TRAF3: variants seen among roughly 807,000 people sequenced by gnomAD.
TRAF3 encodes TNF receptor-associated factor 3.
In TRAF3, 13 loss-of-function variants were observed where a neutral mutation model predicts 62.3. That is an observed-to-expected ratio of 0.21 (90% CI 0.14 to 0.33). The LOEUF (loss-of-function observed/expected upper bound fraction) is 0.33, where lower values mean the gene tolerates loss of function less well. TRAF3 is among the 10% of genes least tolerant of loss of function. The pLI, the probability that TRAF3 is intolerant of heterozygous loss-of-function variation, is 1.00. For synonymous variants in TRAF3, 269 were observed against 283.4 expected (o/e 0.95, Z 0.51); for missense variants, 440 against 741.8 (o/e 0.59, Z 4.73).
At chr14:102,834,687 CAAAAA>C (rs35056615) in intron 2 of TRAF3, among the ~76,000 whole-genome samples, 1 of 54,288 alleles carries the variant, frequency 1.8e-5, no homozygotes, top group Admixed American at 2.2e-4. Context: ...GACTCCGTCT[CAAAAA>C]AAAAAAAAAA....
intron 1 of TRAF3, among the ~76,000 whole-genome samples, chr14:102,819,246 C>T (rs1244104383): frequency 2.6e-5 from 4 of 152,020 alleles, no homozygotes; most frequent in Non-Finnish European, 5.9e-5. Flanking sequence ...CCTTGGGTAG[C>T]TTCCCTGTTA....
chr14:102,889,523 C>T (rs760010597), intron 7 of TRAF3, 37 bp from the exon 8 acceptor site: 18 of 1,605,814 alleles, frequency 1.1e-5, no homozygotes, highest in African/African-American at 5.4e-5. Flanking sequence ...TTCATGCAAA[C>T]GTTTGTGCCA....
chr14:102,840,245 C>T (rs1317468928), intron 2 of TRAF3, among the ~76,000 whole-genome samples: 1 of 152,104 alleles, frequency 6.6e-6, no homozygotes, highest in African/African-American at 2.4e-5. Context: ...CTTTTTAAGA[C>T]AGGGTCTTGC....
rs1311937823 is a variant in TRAF3, at chr14:102,906,378, A to G, written c.*594A>G. On this transcript the variant is annotated 3_prime_UTR_variant, in exon 12 of 12. Coordinates refer to ENST00000392745, the MANE Select transcript of TRAF3 (RefSeq NM_145725.3). ...TTTTTTGAAAGTCTCTAAATTCAGA[A>G]TCATTTTTTAATTTAAAGTTCTACA... 1.3e-5 allele frequency: 2 copies of G among 152,664 alleles called. No individual in the cohort carries two copies. Among genetic ancestry groups the G allele is most frequent in the Non-Finnish European group, 2.9e-5 (2 of 68,066 alleles). The allele number at this position is 152,664 out of a possible 1,614,324, so 9.5% of individuals were successfully genotyped here. A position where few individuals can be genotyped will look rare whatever the true frequency, so the allele number is the denominator to read the frequency against.
chr14:102,890,904 C>T (rs920013032), intron 8 of TRAF3, among the ~76,000 whole-genome samples: 2 of 152,188 alleles, frequency 1.3e-5, no homozygotes, highest in African/African-American at 4.8e-5. Context: ...ACTGTTGTGG[C>T]AGTATCTCGC....
intron 1 of TRAF3, among the ~76,000 whole-genome samples, chr14:102,795,572 A>G (rs1566740497): frequency 9.7e-6 from 1 of 103,408 alleles, no homozygotes; most frequent in Admixed American, 9.2e-5. Context: ...ACATATATAC[A>G]TGATATGTAT....
intron 1 of TRAF3, among the ~76,000 whole-genome samples, chr14:102,785,274 G>A (rs1215388676): frequency 1.3e-5 from 2 of 152,122 alleles, no homozygotes; most frequent in East Asian, 1.9e-4. Context: ...CATCTCTGGC[G>A]TAAGTTCCTT....
At chr14:102,850,676 T>G (rs1886979562) in intron 2 of TRAF3, among the ~76,000 whole-genome samples, 2 of 117,590 alleles carry the variant, frequency 1.7e-5, no homozygotes, top group East Asian at 2.5e-4. Context: ...GGCGATAGAG[T>G]GAGACTCCGT....
intron 7 of TRAF3, 143 bp from the exon 8 acceptor site, chr14:102,889,417 C>G (rs1889584374): frequency 1.2e-6 from 1 of 805,522 alleles, no homozygotes. Context: ...GCATAGAAGT[C>G]TAGGCAGCAG....
chr14:102,824,703 G>A (rs1406860772), intron 1 of TRAF3, among the ~76,000 whole-genome samples: 1 of 152,206 alleles, frequency 6.6e-6, no homozygotes. Context: ...CGTTAATGAT[G>A]TTAGCTAGTC....
intron 2 of TRAF3, among the ~76,000 whole-genome samples, chr14:102,841,540 C>T (rs1469750196): frequency 6.6e-6 from 1 of 152,222 alleles, no homozygotes; most frequent in Non-Finnish European, 1.5e-5. Context: ...GAAGGGCTGC[C>T]TTAGCAGTGG....
intron 2 of TRAF3, among the ~76,000 whole-genome samples, chr14:102,853,486 C>A (rs1244196577): frequency 1.3e-5 from 2 of 151,926 alleles, no homozygotes; most frequent in African/African-American, 2.4e-5. Context: ...ATTTACAAAA[C>A]AAAATTCACC....
chr14:102,812,981 A>G (rs1241914495), intron 1 of TRAF3, among the ~76,000 whole-genome samples: 7 of 151,756 alleles, frequency 4.6e-5, no homozygotes, highest in South Asian at 2.1e-4. Context: ...TTATTTGTTT[A>G]TTTATTTAGT....
chr14:102,810,343 G>A (rs1442148837), intron 1 of TRAF3, among the ~76,000 whole-genome samples: 1 of 152,196 alleles, frequency 6.6e-6, no homozygotes, highest in Admixed American at 6.5e-5. Flanking sequence ...GGTGACCTCA[G>A]TGTGTGGTGA....
chr14:102,903,404 C>T lies in TRAF3; in HGVS notation c.1110C>T (p.Ser370=), dbSNP rs1051743. 1.6e-3 allele frequency: 2,554 copies of T among 1,613,988 alleles called. 27 individuals carry two copies. The African/African-American group carries it at 0.024, about 15-fold the overall frequency. ...CCGAGCTGGAGAGCGTGGACAAGAG[C>T]GCGGGGCAAGTGGCTCGGAACACAG... ...RVTELESVDK[S]AGQVARNTGL... Residue 370 remains serine (S), a synonymous_variant, in exon 11 of 12, where the codon AGC becomes AGT. Transcript: ENST00000392745. The surrounding 1 kb of genome is among the most constrained non-coding windows in gnomAD (Gnocchi z 6.4).
rs368342787 is a variant in TRAF3 at position 102,784,371 on chromosome 14, C to T, written c.-157+6696C>T. Among the ~76,000 whole-genome samples, 98 of 152,048 alleles carry T rather than the reference C, an allele frequency of 6.4e-4. No individual in the cohort carries two copies. In the Middle Eastern group the frequency reaches 0.01, roughly 16 times the overall value. ...CTGAGTAGCTGGGATTACAGGCACCCGCCACCTCGCCTGGCTAATTTTTGT... is the reference window on the plus strand; with the variant it reads ...CTGAGTAGCTGGGATTACAGGCACCTGCCACCTCGCCTGGCTAATTTTTGT... On this transcript the variant is annotated intron_variant, in intron 1 of 11. Transcript: ENST00000392745.
Position 102,819,845 on chromosome 14 carries a change from G to A in TRAF3, c.-156-10489G>A, listed in dbSNP as rs530198237. Reference sequence around the variant, plus strand: ...AAGTGGGACAGTGAGACTATGAATAGCTTCACATCAGATCAGGGCATACCG... The same window carrying A: ...AAGTGGGACAGTGAGACTATGAATAACTTCACATCAGATCAGGGCATACCG... On this transcript the variant is annotated intron_variant, in intron 1 of 11. Transcript: ENST00000392745. Among the ~76,000 whole-genome samples, 12 of 152,342 alleles carry A rather than the reference G, an allele frequency of 7.9e-5. No homozygotes were observed. In the South Asian group the frequency reaches 1.7e-3, roughly 21 times the overall value.
At chr14:102,812,900 A>G (rs1899282882) in intron 1 of TRAF3, among the ~76,000 whole-genome samples, 1 of 151,972 alleles carries the variant, frequency 6.6e-6, no homozygotes, top group East Asian at 2.0e-4. Flanking sequence ...GCCTGGGCGA[A>G]AGAGCGAGAC....
chr14:102,893,784 T>C (rs1889855602), intron 9 of TRAF3, among the ~76,000 whole-genome samples: 1 of 152,128 alleles, frequency 6.6e-6, no homozygotes, highest in South Asian at 2.1e-4. Context: ...CCGGACTCTG[T>C]CCATCAGAGC....
Sources: allele counts gnomAD v4.1 joint callset (sites outside exome capture counted in the v4.1 genomes callset), GRCh38; gene constraint gnomAD v4.1.1; non-coding constraint Gnocchi (gnomAD v3.1); transcripts MANE v1.5; gene names NCBI Gene and HGNC (gene_info 2026-07-23, HGNC 2026-07-21).